MAP3K12: variants seen among roughly 807,000 people sequenced by gnomAD.
The protein encoded by MAP3K12 is mitogen-activated protein kinase kinase kinase 12.
A neutral mutation model predicts 87.5 loss-of-function variants in MAP3K12; 14 were observed. The observed-to-expected ratio is 0.16, with a 90% CI of 0.11 to 0.25. The LOEUF is 0.25. MAP3K12 is among the 10% of genes least tolerant of loss of function. MAP3K12 has a pLI of 1.00. For missense variants in MAP3K12, 802 were observed against 1,140.4 expected (o/e 0.70, Z 4.27); for synonymous variants, 469 against 452.5 (o/e 1.04, Z -0.46).
chr12:53,494,839 T>G (rs188501209), intron 1 of MAP3K12, among the ~76,000 whole-genome samples: 1 of 152,304 alleles, frequency 6.6e-6, no homozygotes, highest in Non-Finnish European at 1.5e-5. Context: ...GATAAAGGTC[T>G]CTGATCAATC....
Position 53,483,198 on chromosome 12 carries a change from A to G in MAP3K12, c.1614-9T>C. 6.6e-7 allele frequency: 1 copy of G among 1,525,580 alleles called. No individual in the cohort carries two copies. Among genetic ancestry groups the G allele is most frequent in the Non-Finnish European group, 8.8e-7 (1 of 1,138,830 alleles). 94.5% of individuals were successfully genotyped at this position (1,525,580 alleles called of 1,614,324 possible). A position where few individuals can be genotyped will look rare whatever the true frequency, so the allele number is the denominator to read the frequency against. Reference sequence around the variant, plus strand: ...TCTTGAGGATATCTGGCCTGGAAGAAGAGGAAAAGTAAAAGGTTAAGACTG... The same window carrying G: ...TCTTGAGGATATCTGGCCTGGAAGAGGAGGAAAAGTAAAAGGTTAAGACTG... On this transcript the variant is annotated splice_polypyrimidine_tract_variant and intron_variant, in intron 10 of 13. Coordinates refer to ENST00000547488, the MANE Select transcript of MAP3K12 (RefSeq NM_001193511.2).
intron 11 of MAP3K12, 35 bp from the exon 12 acceptor site, chr12:53,482,404 G>A: frequency 6.2e-7 from 1 of 1,611,520 alleles, no homozygotes; most frequent in Non-Finnish European, 8.5e-7. Flanking sequence ...GGTCTGATTA[G>A]AAGTGGAAAG....
At chr12:53,482,449 T>G in intron 11 of MAP3K12, 80 bp from the exon 12 acceptor site, 1 of 1,606,682 alleles carries the variant, frequency 6.2e-7, no homozygotes, top group Non-Finnish European at 8.5e-7. Flanking sequence ...GGAACATAGT[T>G]ACGAAGGGTG....
chr12:53,482,840 C>T lies in MAP3K12; in HGVS notation c.1963G>A (p.Gly655Ser), dbSNP rs373439026. The T allele has an allele frequency of 1.5e-5, 24 of 1,611,478 alleles. No individual in the cohort carries two copies. The African/African-American group carries it at 3.1e-4, about 21-fold the overall frequency. ...DLLSAALGSR[G>S]RGATGGAGDP... ...CCAGCTCCGCCTGTGGCCCCCCGGC[C>T]CCGGGACCCTAGTGCTGCTGACAGC... The change falls in exon 11 of 14, where the codon GGC (glycine) becomes AGC (serine). Residue 655 changes from glycine to serine, a missense_variant. This residue lies in a region of MAP3K12 where 490 missense variants were observed against 496.6 expected (regional missense o/e 0.99). Transcript: ENST00000547488.
chr12:53,481,880 C>A, intron 13 of MAP3K12, 61 bp downstream of exon 13: 1 of 1,566,172 alleles, frequency 6.4e-7, no homozygotes, highest in Non-Finnish European at 8.7e-7. Flanking sequence ...TGTTAAAAGA[C>A]AAGGCATCTG....
intron 1 of MAP3K12, among the ~76,000 whole-genome samples, chr12:53,494,844 T>A (rs901304332): frequency 2.6e-5 from 4 of 152,124 alleles, no homozygotes; most frequent in Admixed American, 1.3e-4. Flanking sequence ...AGGTCTCTGA[T>A]CAATCGTGGC....
rs3837460 is a variant in MAP3K12 at position 53,481,354 on chromosome 12, T to TA, written c.2581-75dup. The TA allele has an allele frequency of 2.7e-4, 210 of 782,582 alleles. 1 individual carries two copies. The East Asian group carries it at 7.7e-3, about 29-fold the overall frequency. 48.5% of individuals were successfully genotyped at this position (782,582 alleles called of 1,614,324 possible). A position where few individuals can be genotyped will look rare whatever the true frequency, so the allele number is the denominator to read the frequency against. On this transcript the variant is annotated intron_variant, in intron 13 of 13. Transcript: ENST00000547488. ...GGGGTCATTTTAATAGCCAGTGGCT[T>TA]ACTGATTTGTTTTTTAAGACAGAGT...
intron 7 of MAP3K12, 78 bp from the exon 8 acceptor site, chr12:53,484,098 G>T: frequency 6.8e-7 from 1 of 1,460,796 alleles, no homozygotes; most frequent in Non-Finnish European, 9.6e-7. Context: ...CCACACCACT[G>T]CCAATGTGTG....
At chr12:53,493,325 C>T (rs1169046706) in intron 1 of MAP3K12, among the ~76,000 whole-genome samples, 1 of 152,122 alleles carries the variant, frequency 6.6e-6, no homozygotes, top group Non-Finnish European at 1.5e-5. Context: ...GCGGTCTGCC[C>T]CATCTGTGTT....
chr12:53,499,047 T>C (rs1943614198), intron 1 of MAP3K12, among the ~76,000 whole-genome samples: 1 of 151,036 alleles, frequency 6.6e-6, no homozygotes, highest in African/African-American at 2.4e-5. Context: ...TTTCCTTCCC[T>C]AGAGGGGGCC....
rs1178856903 is a variant in MAP3K12 at position 53,480,890 on chromosome 12, A to C, written c.*292T>G. On this transcript the variant is annotated 3_prime_UTR_variant, in exon 14 of 14. Transcript: ENST00000547488. ...TTTGGGGATAAAGAATATAAAGACA[A>C]CCCTGGCTTTTCTATTGCCTTGTTG... is the stretch of plus-strand genomic sequence containing the variant. The C allele has an allele frequency of 6.5e-6, 1 of 153,162 alleles. No individual in the cohort carries two copies. The allele number at this position is 153,162 out of a possible 1,614,324, so 9.5% of individuals were successfully genotyped here. A position where few individuals can be genotyped will look rare whatever the true frequency, so the allele number is the denominator to read the frequency against.
At chr12:53,484,956 G>T in intron 6 of MAP3K12, 100 bp downstream of exon 6, 1 of 1,440,434 alleles carries the variant, frequency 6.9e-7, no homozygotes, top group Non-Finnish European at 9.5e-7. Flanking sequence ...CAGTCTCTTT[G>T]AATTAAATGT....
At chr12:53,492,635 A>G (rs1231787628) in intron 1 of MAP3K12, among the ~76,000 whole-genome samples, 3 of 152,126 alleles carry the variant, frequency 2.0e-5, no homozygotes, top group African/African-American at 7.2e-5. Flanking sequence ...TGTGGCTTCA[A>G]GAGGTAAGGT....
At chr12:53,485,933 T>G (rs1326322525) in intron 4 of MAP3K12, 123 bp downstream of exon 4, 2 of 861,760 alleles carry the variant, frequency 2.3e-6, no homozygotes, top group Non-Finnish European at 3.6e-6. Flanking sequence ...GGACTGTCAC[T>G]TGGAAGAGGT....
At position 53,482,616 on chromosome 12, in the gene MAP3K12, C is replaced by T; in HGVS notation, c.2187G>A (p.Gln729=). The T allele has an allele frequency of 6.2e-7, 1 of 1,613,840 alleles. No individual in the cohort carries two copies. The highest frequency in any genetic ancestry group is 8.5e-7 in the Non-Finnish European group (1 of 1,179,954). ...SGRGGSRAGS[Q]HLTPAALLYR... Reference sequence around the variant, plus strand: ...ACAGCAGTGCAGCTGGGGTCAAGTGCTGGGACCCAGCCCGGCTTCCTCCCC... The same window carrying T: ...ACAGCAGTGCAGCTGGGGTCAAGTGTTGGGACCCAGCCCGGCTTCCTCCCC... Residue 729 remains glutamine, a synonymous_variant, in exon 11 of 14, where the codon CAG becomes CAA. Coordinates refer to ENST00000547488, the MANE Select transcript of MAP3K12 (RefSeq NM_001193511.2).
In MAP3K12 at chr12:53,485,361, A is replaced by G. The variant is rs770235478; in HGVS notation, c.936T>C (p.Pro312=). Residue 312 remains proline, a synonymous_variant, in exon 5 of 14, where the codon CCT becomes CCC. Coordinates refer to ENST00000547488, the MANE Select transcript of MAP3K12 (RefSeq NM_001193511.2). ...SFAGTVAWMA[P]EVIRNEPVSE... is the part of the protein sequence containing the mutation. ...ACACAGGTTCATTGCGGATCACCTC[A>G]GGGGCCATCCAGGCTACTGTCCCTG... 6.2e-7 allele frequency: 1 copy of G among 1,614,160 alleles called. No individual in the cohort carries two copies. The highest frequency in any genetic ancestry group is 8.5e-7 in the Non-Finnish European group (1 of 1,180,020).
Position 53,483,501 on chromosome 12 carries a change from A to G in MAP3K12, c.1476-15T>C, listed in dbSNP as rs749035039. 3.1e-6 allele frequency: 5 copies of G among 1,613,880 alleles called. No homozygotes were observed. In the African/African-American group the frequency reaches 4.0e-5, roughly 13 times the overall value. On this transcript the variant is annotated splice_polypyrimidine_tract_variant and intron_variant, in intron 9 of 13. Coordinates refer to ENST00000547488, the MANE Select transcript of MAP3K12 (RefSeq NM_001193511.2). Reference sequence around the variant, plus strand: ...CTTGCTCTCGCCTAAAGATCCAGGCACCTTCTCAGCTGGGCAAATGACCAG... The same window carrying G: ...CTTGCTCTCGCCTAAAGATCCAGGCGCCTTCTCAGCTGGGCAAATGACCAG...
rs753336392 is a variant in MAP3K12, at chr12:53,485,198, G to A, written c.997C>T (p.Leu333=). 1 of 1,612,748 alleles carries A rather than the reference G, an allele frequency of 6.2e-7. No homozygotes were observed. The highest frequency in any genetic ancestry group is 2.2e-5 in the East Asian group (1 of 44,880). Reference sequence around the variant, plus strand: ...ATCTCACCAGTCAGCAGTTCCCATAGCACCACGCCAAAGGACCTAGGGATG... The same window carrying A: ...ATCTCACCAGTCAGCAGTTCCCATAACACCACGCCAAAGGACCTAGGGATG... ...KVDIWSFGVV[L]WELLTGEIPY... Residue 333 remains leucine, a synonymous_variant, in exon 6 of 14, where the codon CTA becomes TTA. Coordinates refer to ENST00000547488, the MANE Select transcript of MAP3K12 (RefSeq NM_001193511.2).
At chr12:53,488,660 T>TA (rs973784407) in intron 1 of MAP3K12, among the ~76,000 whole-genome samples, 1 of 151,416 alleles carries the variant, frequency 6.6e-6, no homozygotes, top group African/African-American at 2.4e-5. Context: ...AAACTCTGTC[T>TA]AAAAAAATAT....
Sources: allele counts gnomAD v4.1 joint callset (sites outside exome capture counted in the v4.1 genomes callset), GRCh38; gene constraint gnomAD v4.1.1; regional missense constraint gnomAD v4.1.1; transcripts MANE v1.5; gene names NCBI Gene and HGNC (gene_info 2026-07-23, HGNC 2026-07-21).